Variants in FNDC3B observed in about 807,000 individuals in gnomAD.
The protein encoded by FNDC3B is fibronectin type III domain containing 3B, also known as fibronectin type III domain-containing protein 3B.
Under a neutral mutation model 151.5 loss-of-function variants are expected in FNDC3B, and 12 were observed. The observed-to-expected ratio is 0.08, with a 90% CI of 0.05 to 0.13. The LOEUF is 0.13. FNDC3B is among the 10% of genes least tolerant of loss of function. The probability of loss-of-function intolerance (pLI) is 1.00; values close to 1 mark genes in which losing one functional copy is unlikely to be tolerated. For synonymous variants in FNDC3B, 528 were observed against 549.0 expected (o/e 0.96, Z 0.54); for missense variants, 1,214 against 1,505.3 (o/e 0.81, Z 3.20).
chr3:172,389,954 A>G (rs1735923125), intron 25 of FNDC3B, among the ~76,000 whole-genome samples: 1 of 152,212 alleles, frequency 6.6e-6, no homozygotes, highest in African/African-American at 2.4e-5. Flanking sequence ...CACCTATACC[A>G]AACTGTCTCT....
chr3:172,127,659 A>C (rs1307238715), intron 2 of FNDC3B, among the ~76,000 whole-genome samples: 1 of 152,190 alleles, frequency 6.6e-6, no homozygotes, highest in African/African-American at 2.4e-5. Context: ...TTTTTAAACA[A>C]AGAACAGCAC....
chr3:172,041,393 C>CTT (rs1491031246), intron 1 of FNDC3B, among the ~76,000 whole-genome samples: 1,763 of 146,684 alleles, frequency 0.012, 18 homozygotes, highest in Middle Eastern at 0.031. Context: ...CTTTTTCTTT[C>CTT]TTTCTTTCTC....
intron 13 of FNDC3B, among the ~76,000 whole-genome samples, chr3:172,331,444 G>A (rs556701184): frequency 1.5e-4 from 23 of 152,228 alleles, no homozygotes; most frequent in South Asian, 6.2e-4. Context: ...CTCAAGCTCC[G>A]CCTCCCAAGT....
chr3:172,392,707 G>A (rs1736068487), intron 25 of FNDC3B, among the ~76,000 whole-genome samples: 1 of 151,534 alleles, frequency 6.6e-6, no homozygotes, highest in South Asian at 2.1e-4. Flanking sequence ...GAGTTTGTTG[G>A]AAATTCACTT....
At position 172,310,860 on chromosome 3, in the gene FNDC3B, C is replaced by T; in HGVS notation, c.1233C>T (p.Asn411=). Residue 411 remains asparagine, a synonymous_variant, in exon 11 of 26, where the codon AAC becomes AAT. Coordinates refer to ENST00000415807, the MANE Select transcript of FNDC3B (RefSeq NM_022763.4). ...APIDNGSKIT[N]YLLEWDEGKR... is the part of the protein sequence containing the mutation. ...TTGACAACGGTTCAAAAATCACCAA[C>T]TACCTTTTAGAGTGGGATGAGGTAA... 6.2e-7 allele frequency: 1 copy of T among 1,612,270 alleles called. No homozygotes were observed. The highest frequency in any genetic ancestry group is 8.5e-7 in the Non-Finnish European group (1 of 1,178,250).
At chr3:172,341,060 T>C (rs1733289373) in intron 16 of FNDC3B, 53 bp from the exon 17 acceptor site, 4 of 1,182,640 alleles carry the variant, frequency 3.4e-6, no homozygotes, top group Non-Finnish European at 3.8e-6. Context: ...CAATGGCTGA[T>C]ATGCTACATT....
At chr3:172,070,304 C>T (rs757916489) in intron 1 of FNDC3B, among the ~76,000 whole-genome samples, 1 of 150,486 alleles carries the variant, frequency 6.6e-6, no homozygotes, top group African/African-American at 2.4e-5. Flanking sequence ...TGCAACCTTT[C>T]GAAAGTCTTA....
intron 4 of FNDC3B, among the ~76,000 whole-genome samples, chr3:172,242,824 A>G (rs1005033375): frequency 1.2e-4 from 18 of 152,358 alleles, no homozygotes; most frequent in African/African-American, 4.3e-4. Context: ...TTCTCCTCAG[A>G]AAATGGGATT....
intron 4 of FNDC3B, among the ~76,000 whole-genome samples, chr3:172,239,051 T>TAA (rs1727322726): frequency 1.2e-5 from 1 of 84,568 alleles, no homozygotes; most frequent in Middle Eastern, 4.8e-3. Context: ...TATAATTAAT[T>TAA]TATTTTTTTT....
rs751355690 is a variant in FNDC3B at position 172,285,947 on chromosome 3, G to A, written c.812G>A (p.Arg271Lys). 2.5e-6 allele frequency: 4 copies of A among 1,612,986 alleles called. No homozygotes were observed. The South Asian group carries it at 4.4e-5, about 18-fold the overall frequency. The change falls in exon 7 of 26, where the codon AGG (arginine) becomes AAG (lysine). Residue 271 changes from arginine to lysine, a missense_variant. By Grantham distance (26) the Arg-to-Lys change is conservative (BLOSUM62 2). Transcript: ENST00000415807. ...DLQEYELEVK[R>K]VQDILSGIEK... The stretch of plus-strand genomic sequence containing the variant: ...GCAGAATATGAGTTGGAAGTAAAGA[G>A]GGTGCAAGACATTCTTTCGGGAATA...
chr3:172,306,564 T>A (rs527947956), intron 9 of FNDC3B, among the ~76,000 whole-genome samples: 1 of 152,302 alleles, frequency 6.6e-6, no homozygotes, highest in Admixed American at 6.5e-5. Flanking sequence ...AAAAATAAAT[T>A]CCCAGTATAA....
chr3:172,230,521 A>C (rs1220582080), intron 4 of FNDC3B, among the ~76,000 whole-genome samples: 2 of 151,958 alleles, frequency 1.3e-5, no homozygotes, highest in Non-Finnish European at 2.9e-5. Context: ...AAAAAAGAAC[A>C]ACAACAACAA....
intron 1 of FNDC3B, among the ~76,000 whole-genome samples, chr3:172,109,005 ACT>A (rs1559969439): frequency 1.3e-5 from 2 of 152,070 alleles, no homozygotes; most frequent in South Asian, 2.1e-4. Context: ...AAATAAAAGT[ACT>A]CTCTGTGTGT....
intron 1 of FNDC3B, among the ~76,000 whole-genome samples, chr3:172,098,079 A>T (rs1719179823): frequency 6.6e-6 from 1 of 151,568 alleles, no homozygotes; most frequent in Admixed American, 6.6e-5. Flanking sequence ...GCCCAATATT[A>T]TTAACTTATT....
At chr3:172,387,139 T>A (rs2108383526) in intron 25 of FNDC3B, among the ~76,000 whole-genome samples, 1 of 152,320 alleles carries the variant, frequency 6.6e-6, no homozygotes, top group South Asian at 2.1e-4. Flanking sequence ...GTATTTTTAG[T>A]AGAGACGGGA....
intron 1 of FNDC3B, among the ~76,000 whole-genome samples, chr3:172,093,124 T>TC (rs1491428091): frequency 2.0e-5 from 3 of 150,776 alleles, no homozygotes; most frequent in Admixed American, 1.3e-4. Flanking sequence ...GGCCAGAATC[T>TC]TTTTTTAGAG....
intron 3 of FNDC3B, among the ~76,000 whole-genome samples, chr3:172,181,418 A>AC (rs1723898317): frequency 6.7e-6 from 1 of 150,310 alleles, no homozygotes; most frequent in South Asian, 2.1e-4. Flanking sequence ...AAAAAAACAA[A>AC]AAAAAACACC....
chr3:172,227,026 C>T, intron 4 of FNDC3B, 79 bp downstream of exon 4: 1 of 1,013,462 alleles, frequency 9.9e-7, no homozygotes, highest in Non-Finnish European at 1.6e-6. Context: ...GGCTTCAAAG[C>T]CATATTCCAG....
intron 10 of FNDC3B, among the ~76,000 whole-genome samples, chr3:172,308,991 T>G (rs1161732696): frequency 6.6e-6 from 1 of 152,226 alleles, no homozygotes; most frequent in Non-Finnish European, 1.5e-5. Flanking sequence ...CATACTCTGC[T>G]TAAAACCTGG....
Sources: gnomAD v4.1 joint callset for allele counts (sites outside exome capture counted in the v4.1 genomes callset) on GRCh38, gnomAD v4.1.1 for gene constraint, MANE v1.5 for transcripts, NCBI Gene and HGNC (gene_info 2026-07-23, HGNC 2026-07-21) for gene names.